The following MYO9B variants were observed in gnomAD, a reference collection of about 807,000 sequenced individuals.
MYO9B encodes unconventional myosin-IXb.
MYO9B carries 71 observed loss-of-function variants against 229.5 expected under a neutral mutation model. The ratio of observed to expected loss-of-function variants is 0.31; its 90% CI spans 0.26 to 0.38. MYO9B has a LOEUF of 0.38. Among genes scored for constraint, MYO9B ranks in the 10% least tolerant of loss-of-function variants. The pLI, the probability that MYO9B is intolerant of heterozygous loss-of-function variation, is 1.00. For synonymous variants in MYO9B, 1,185 were observed against 1,235.8 expected, an observed-to-expected ratio of 0.96 and a Z score of 0.86; for missense variants, 2,255 against 2,920.5, an observed-to-expected ratio of 0.77 and a Z score of 5.25.
chr19:17,084,895 ACT>A (rs1322677847), intron 1 of MYO9B, among the ~76,000 whole-genome samples: 2 of 151,760 alleles, frequency 1.3e-5, no homozygotes, highest in Admixed American at 6.6e-5. Context: ...ACAGAGCAAG[ACT>A]CTGTCTCAAA....
rs754815706 is a variant in MYO9B at position 17,197,804 on chromosome 19, C to T, written c.4059C>T (p.Thr1353=). The change falls in exon 23 of 40, where the codon ACC becomes ACT. Residue 1353 remains threonine, a synonymous_variant. Transcript: ENST00000682292. ...AALTPTEERR[T]SFSTSDVSKL... ...TGTGATCTCGCAGGGAGAGGCGCAC[C>T]TCCTTCTCCACGAGCGACGTCTCCA... 8 of 1,613,706 alleles carry T rather than the reference C, an allele frequency of 5.0e-6. No homozygotes were observed. The highest frequency in any genetic ancestry group is 3.3e-5 in the South Asian group (3 of 91,090).
rs1243446662 is a variant in MYO9B at position 17,101,221 on chromosome 19, G to A, written c.-58-439G>A. 6.6e-6 allele frequency among the ~76,000 whole-genome samples: 1 copy of A among 151,754 alleles called. No homozygotes were observed. Among genetic ancestry groups the A allele is most frequent in the African/African-American group, 2.4e-5 (1 of 41,322 alleles). On this transcript the variant is annotated intron_variant, in intron 1 of 39. Transcript: ENST00000682292. This position sits in a 1 kb window ranked among gnomAD's most constrained non-coding sequence, Gnocchi z 4.7. Reference sequence around the variant, plus strand: ...TGACAGGGTCTCTCTCTCTCACCCAGGCTGGAGCACAGCTGGTATAATCAT... The same window carrying A: ...TGACAGGGTCTCTCTCTCTCACCCAAGCTGGAGCACAGCTGGTATAATCAT...
intron 2 of MYO9B, among the ~76,000 whole-genome samples, chr19:17,106,999 G>A (rs1276440001): frequency 1.3e-5 from 2 of 152,190 alleles, no homozygotes; most frequent in East Asian, 3.9e-4. Flanking sequence ...GGAGGTGGAG[G>A]TTGCAGTGAG....
At chr19:17,152,814 G>C (rs1344764678) in intron 4 of MYO9B, 108 bp downstream of exon 4, 2 of 895,196 alleles carry the variant, frequency 2.2e-6, no homozygotes, top group East Asian at 2.6e-5. Context: ...GAATTCTGGG[G>C]GAGGCCGTGG....
Position 17,181,826 on chromosome 19 carries a change from A to T in MYO9B, c.2333+786A>T, listed in dbSNP as rs530309724. Among the ~76,000 whole-genome samples, 3 of 151,864 alleles carry T rather than the reference A, an allele frequency of 2.0e-5. No individual in the cohort carries two copies. In the South Asian group the frequency reaches 6.2e-4, roughly 32 times the overall value. On this transcript the variant is annotated intron_variant, in intron 15 of 39. Coordinates refer to ENST00000682292, the MANE Select transcript of MYO9B (RefSeq NM_004145.4). Reference sequence around the variant, plus strand: ...GTTTCACTCTTGTTGCCCAGGCTGGAGTGCAATGGTATGATCTCGGCTCAC... The same window carrying T: ...GTTTCACTCTTGTTGCCCAGGCTGGTGTGCAATGGTATGATCTCGGCTCAC...
At position 17,129,221 on chromosome 19, in the gene MYO9B, G is replaced by A. The variant is rs190706220; in HGVS notation, c.841-16176G>A. Among the ~76,000 whole-genome samples, 264 of 152,216 alleles carry A rather than the reference G, an allele frequency of 1.7e-3. 1 individual carries two copies. The highest frequency in any genetic ancestry group is 6.1e-3 in the African/African-American group (252 of 41,528). On this transcript the variant is annotated intron_variant, in intron 2 of 39. Coordinates refer to ENST00000682292, the MANE Select transcript of MYO9B (RefSeq NM_004145.4). ...TCGAGACCAGCCTGGCCAACGAGGTGAAACCCTGTCTCTACTACAAATACA... is the reference window on the plus strand; with the variant it reads ...TCGAGACCAGCCTGGCCAACGAGGTAAAACCCTGTCTCTACTACAAATACA...
intron 10 of MYO9B, among the ~76,000 whole-genome samples, chr19:17,167,374 C>T (rs2072670791): frequency 6.6e-6 from 1 of 151,818 alleles, no homozygotes; most frequent in South Asian, 2.1e-4. Flanking sequence ...CTCAAGCGAT[C>T]CTACCACCTT....
At chr19:17,121,164 A>C (rs2057960313) in intron 2 of MYO9B, among the ~76,000 whole-genome samples, 1 of 152,046 alleles carries the variant, frequency 6.6e-6, no homozygotes, top group South Asian at 2.1e-4. Context: ...CCTGGTCTCG[A>C]ACTCCTGGAC....
intron 2 of MYO9B, among the ~76,000 whole-genome samples, chr19:17,122,151 G>A (rs1471048415): frequency 6.6e-6 from 1 of 152,192 alleles, no homozygotes; most frequent in Non-Finnish European, 1.5e-5. Context: ...CCTAAGGCTG[G>A]CTCCTCCCAT....
chr19:17,180,778 C>T (rs376994363), intron 14 of MYO9B, 149 bp from the exon 15 acceptor site: 3 of 576,318 alleles, frequency 5.2e-6, no homozygotes, highest in East Asian at 3.1e-5. Flanking sequence ...AGAGGGGCAG[C>T]ATTGAGCACA....
At chr19:17,192,712 T>A in intron 20 of MYO9B, 34 bp from the exon 21 acceptor site, 1 of 1,488,302 alleles carries the variant, frequency 6.7e-7, no homozygotes, top group Non-Finnish European at 9.0e-7. Context: ...TCAGGGGCAG[T>A]GCAGCTGACC....
At chr19:17,103,184 C>T (rs904544456) in intron 2 of MYO9B, 2 of 152,218 alleles carry the variant, frequency 1.3e-5, no homozygotes, top group African/African-American at 2.4e-5. Flanking sequence ...GCACTCCAGC[C>T]TGGGCAACAG....
intron 23 of MYO9B, 28 bp downstream of exon 23, chr19:17,197,886 T>C (rs758303694): frequency 6.2e-7 from 1 of 1,610,600 alleles, no homozygotes; most frequent in East Asian, 2.2e-5. Flanking sequence ...AAACCCCGTC[T>C]CCACTAAAAA....
intron 2 of MYO9B, among the ~76,000 whole-genome samples, chr19:17,121,444 A>AAT (rs59741893): frequency 0.24 from 34,602 of 142,316 alleles, 4,474 homozygotes; most frequent in Non-Finnish European, 0.25. Flanking sequence ...ATGTATTCCA[A>AAT]ATATATATAT....
At chr19:17,153,259 C>T (rs1281353634) in intron 4 of MYO9B, among the ~76,000 whole-genome samples, 1 of 151,784 alleles carries the variant, frequency 6.6e-6, no homozygotes, top group South Asian at 2.1e-4. Context: ...TCCCAGCTCA[C>T]TGCAACCTCC....
intron 14 of MYO9B, among the ~76,000 whole-genome samples, chr19:17,179,646 T>C (rs1026647221): frequency 1.3e-5 from 2 of 151,648 alleles, no homozygotes; most frequent in African/African-American, 4.8e-5. Context: ...AGGCTGGTCT[T>C]GAACTCCCTA....
chr19:17,184,886 C>G lies in MYO9B; in HGVS notation c.2395C>G (p.Leu799Val). ...IPKNLLDSKSLKLIISMTLHD... is the reference protein window; with the variant it reads ...IPKNLLDSKSVKLIISMTLHD... Reference sequence around the variant, plus strand: ...CTAGAACCTACTGGACTCCAAGTCCCTGAAACTCATCATCAGCATGACTCT... The same window carrying G: ...CTAGAACCTACTGGACTCCAAGTCCGTGAAACTCATCATCAGCATGACTCT... Residue 799 changes from leucine to valine, a missense_variant, in exon 17 of 40, where the codon CTG becomes GTG. Around this residue, in one of 7 missense-constraint regions of MYO9B, gnomAD observed 155 missense variants for 159.1 expected, o/e 0.97. Coordinates refer to ENST00000682292, the MANE Select transcript of MYO9B (RefSeq NM_004145.4). The G allele has an allele frequency of 6.2e-7, 1 of 1,613,896 alleles. No homozygotes were observed. Among genetic ancestry groups the G allele is most frequent in the Non-Finnish European group, 8.5e-7 (1 of 1,179,832 alleles).
chr19:17,108,038 C>T (rs907184019), intron 2 of MYO9B, among the ~76,000 whole-genome samples: 4 of 152,304 alleles, frequency 2.6e-5, no homozygotes, highest in Admixed American at 1.3e-4. Flanking sequence ...TGCCCCAGAT[C>T]CGCGATTGTC....
intron 10 of MYO9B, among the ~76,000 whole-genome samples, chr19:17,166,579 G>T (rs1235675539): frequency 6.6e-6 from 1 of 151,170 alleles, no homozygotes; most frequent in East Asian, 1.9e-4. Flanking sequence ...GGGGTTTGTT[G>T]TACAGATTAT....
Sources: allele counts gnomAD v4.1 joint callset (sites outside exome capture counted in the v4.1 genomes callset), GRCh38; gene constraint gnomAD v4.1.1; regional missense constraint gnomAD v4.1.1; non-coding constraint Gnocchi (gnomAD v3.1); transcripts MANE v1.5; gene names NCBI Gene and HGNC (gene_info 2026-07-23, HGNC 2026-07-21).